Variants in TRAPPC14 observed in about 807,000 individuals in gnomAD.
TRAPPC14 encodes microtubule associated protein 11.
A neutral mutation model predicts 56.6 loss-of-function variants in TRAPPC14; 24 were observed. The ratio of observed to expected loss-of-function variants is 0.42; its 90% CI spans 0.31 to 0.60. The LOEUF is 0.60. Among genes scored for constraint, TRAPPC14 ranks in the 20% least tolerant of loss-of-function variants. The pLI is 0.14. For synonymous variants in TRAPPC14, 377 were observed against 347.0 expected, an observed-to-expected ratio of 1.09 and a Z score of -0.96; for missense variants, 615 against 790.3, an observed-to-expected ratio of 0.78 and a Z score of 2.66.
Position 100,157,647 on chromosome 7 carries a change from G to A in TRAPPC14, c.623C>T (p.Ala208Val), listed in dbSNP as rs760040718. Reference protein sequence around the residue: ...PGETFRGEQSAFKAQVSTLLT... With the variant: ...PGETFRGEQSVFKAQVSTLLT... ...GCCCTGCCCACCTTGGGCCTTGAAA[G>A]CGCTCTGCTCGCCCCGGAATGTCTC... The change falls in exon 3 of 11, where the codon GCT becomes GTT. Residue 208 changes from alanine (A) to valine (V), a missense_variant. Transcript: ENST00000316937. 1 of 1,614,182 alleles carries A rather than the reference G, an allele frequency of 6.2e-7. No individual in the cohort carries two copies. The highest frequency in any genetic ancestry group is 8.5e-7 in the Non-Finnish European group (1 of 1,180,036).
In TRAPPC14 at chr7:100,157,012, A is replaced by C. The variant is rs749222151; in HGVS notation, c.846-20T>G. 1.2e-6 allele frequency: 2 copies of C among 1,614,012 alleles called. No homozygotes were observed. Among genetic ancestry groups the C allele is most frequent in the Non-Finnish European group, 1.7e-6 (2 of 1,179,968 alleles). ...TGGTGACTAGCTCAGAAAAGAGGAC[A>C]AGGCATGGTCTCCCCATGCCAGAGC... On this transcript the variant is annotated intron_variant, in intron 5 of 10. Coordinates refer to ENST00000316937, the MANE Select transcript of TRAPPC14 (RefSeq NM_018275.5).
chr7:100,157,601 C>T (rs1241272020), intron 3 of TRAPPC14, 32 bp downstream of exon 3: 3 of 1,613,230 alleles, frequency 1.9e-6, no homozygotes. Flanking sequence ...TTCCCAGACT[C>T]TAGCCCTTTG....
intron 6 of TRAPPC14, 42 bp from the exon 7 acceptor site, chr7:100,156,758 GC>G (rs1798889552): frequency 6.2e-7 from 1 of 1,600,290 alleles, no homozygotes; most frequent in East Asian, 2.2e-5. Flanking sequence ...TATTAAGAGT[GC>G]CCCTCCCATC....
Position 100,158,615 on chromosome 7 carries a change from G to C in TRAPPC14, c.-116C>G, listed in dbSNP as rs909042693. ...TCCGGCTGCTGCGCCCGGCTGGGGC[G>C]GCCGGAGAGACCGGCCCGGTCCCGG... On this transcript the variant is annotated 5_prime_UTR_variant, in exon 1 of 11. Coordinates refer to ENST00000316937, the MANE Select transcript of TRAPPC14 (RefSeq NM_018275.5). 2 of 1,095,152 alleles carry C rather than the reference G, an allele frequency of 1.8e-6. No homozygotes were observed. The highest frequency in any genetic ancestry group is 3.3e-5 in the African/African-American group (2 of 61,250). 67.8% of individuals were successfully genotyped at this position (1,095,152 alleles called of 1,614,324 possible).
At position 100,158,356 on chromosome 7, in the gene TRAPPC14, C is replaced by T; in HGVS notation, c.144G>A (p.Leu48=). The part of the protein sequence containing the change: ...LYLGETVRFL[L]VLRCRGGAGS... The stretch of plus-strand genomic sequence containing the variant: ...CCGCACCGCCCCGGCAGCGCAACAC[C>T]AGCAGAAAACGGACAGTCTCCCCCA... The change falls in exon 1 of 11, where the codon CTG becomes CTA. Residue 48 remains leucine, a synonymous_variant. Transcript: ENST00000316937. 6.7e-7 allele frequency: 1 copy of T among 1,487,930 alleles called. No individual in the cohort carries two copies. 92.2% of individuals were successfully genotyped at this position (1,487,930 alleles called of 1,614,324 possible).
chr7:100,158,560 G>T lies in TRAPPC14; in HGVS notation c.-61C>A. On this transcript the variant is annotated 5_prime_UTR_variant, in exon 1 of 11. Transcript: ENST00000316937. ...CGGAGGCCGACCGCCGGCGGGGCCC[G>T]CTAGGGTGGGTCCAGAGGGTCCCGA... The T allele has an allele frequency of 7.7e-7, 1 of 1,306,298 alleles. No individual in the cohort carries two copies. Among genetic ancestry groups the T allele is most frequent in the Non-Finnish European group, 9.7e-7 (1 of 1,029,562 alleles). 80.9% of individuals were successfully genotyped at this position (1,306,298 alleles called of 1,614,324 possible). A position where few individuals can be genotyped will look rare whatever the true frequency, so the allele number is the denominator to read the frequency against.
Position 100,156,567 on chromosome 7 carries a change from G to A in TRAPPC14, c.1077-18C>T, listed in dbSNP as rs773936741. The A allele has an allele frequency of 6.2e-7, 1 of 1,613,678 alleles. No individual in the cohort carries two copies. The highest frequency in any genetic ancestry group is 8.5e-7 in the Non-Finnish European group (1 of 1,179,700). ...TGGGCAGGCTAGGAGTGGTGAGAGA[G>A]GGATGCTGGCTGTGTGTGTCAGGCC... is the stretch of plus-strand genomic sequence containing the variant. On this transcript the variant is annotated intron_variant, in intron 7 of 10. Transcript: ENST00000316937.
chr7:100,156,695 C>T lies in TRAPPC14; in HGVS notation c.1015G>A (p.Ala339Thr), dbSNP rs371249459. Residue 339 changes from alanine (A) to threonine (T), a missense_variant, in exon 7 of 11, where the codon GCT becomes ACT. Coordinates refer to ENST00000316937, the MANE Select transcript of TRAPPC14 (RefSeq NM_018275.5). ...AKEGLEVPLIAVVQWSTPKLP... is the reference protein window; with the variant it reads ...AKEGLEVPLITVVQWSTPKLP... Reference sequence around the variant, plus strand: ...TTTGGGGTAGACCACTGAACCACAGCAATCAGGGGAACTTCCAGGCCCTGC... The same window carrying T: ...TTTGGGGTAGACCACTGAACCACAGTAATCAGGGGAACTTCCAGGCCCTGC... 1 of 1,612,282 alleles carries T rather than the reference C, an allele frequency of 6.2e-7. No homozygotes were observed. Among genetic ancestry groups the T allele is most frequent in the Non-Finnish European group, 8.5e-7 (1 of 1,179,090 alleles).
chr7:100,157,180 G>T lies in TRAPPC14; in HGVS notation c.759C>A (p.Ile253=). The T allele has an allele frequency of 6.2e-7, 1 of 1,614,202 alleles. No homozygotes were observed. The highest frequency in any genetic ancestry group is 8.5e-7 in the Non-Finnish European group (1 of 1,180,044). Residue 253 remains isoleucine (I), a synonymous_variant, in exon 5 of 11, where the codon ATC becomes ATA. Coordinates refer to ENST00000316937, the MANE Select transcript of TRAPPC14 (RefSeq NM_018275.5). ...LNSSSQEEIS[I]WDIRILPNFN... ...AGTTGGGGAGGATTCGGATATCCCAGATGGAGATTTCCTCCTGAGAGGAGC... is the reference window on the plus strand; with the variant it reads ...AGTTGGGGAGGATTCGGATATCCCATATGGAGATTTCCTCCTGAGAGGAGC...
At chr7:100,156,326 G>A in intron 8 of TRAPPC14, 60 bp downstream of exon 8, 1 of 1,580,704 alleles carries the variant, frequency 6.3e-7, no homozygotes, top group East Asian at 2.2e-5. Context: ...CTGCCTCCCT[G>A]ACTTTTTCCT....
chr7:100,158,687 G>A lies in TRAPPC14; in HGVS notation c.-188C>T, dbSNP rs1318056114. 2.1e-6 allele frequency: 1 copy of A among 482,404 alleles called. No homozygotes were observed. The highest frequency in any genetic ancestry group is 4.4e-5 in the Admixed American group (1 of 22,584). 29.9% of individuals were successfully genotyped at this position (482,404 alleles called of 1,614,324 possible). A position where few individuals can be genotyped will look rare whatever the true frequency, so the allele number is the denominator to read the frequency against. ...CCGAGACCCGGCAGCGCCGGAACCG[G>A]GGTACTGAGCCGAATGACTGGAGAG... On this transcript the variant is annotated 5_prime_UTR_variant, in exon 1 of 11. Coordinates refer to ENST00000316937, the MANE Select transcript of TRAPPC14 (RefSeq NM_018275.5).
intron 7 of TRAPPC14, 34 bp from the exon 8 acceptor site, chr7:100,156,583 G>A (rs1171322244): frequency 1.2e-6 from 2 of 1,612,888 alleles, no homozygotes; most frequent in African/African-American, 1.3e-5. Context: ...CTGGCTGTGT[G>A]TGTCAGGCCA....
chr7:100,157,252 C>T, intron 4 of TRAPPC14, 38 bp from the exon 5 acceptor site: 1 of 1,613,896 alleles, frequency 6.2e-7, no homozygotes, highest in Middle Eastern at 1.7e-4. Context: ...AATAGCTGGA[C>T]CCCTCAGGCC....
At position 100,158,098 on chromosome 7, in the gene TRAPPC14, T is replaced by TC; in HGVS notation, c.401dup (p.Ala135SerfsTer15). On this transcript the variant is annotated frameshift_variant, in exon 1 of 11. Coordinates refer to ENST00000316937, the MANE Select transcript of TRAPPC14 (RefSeq NM_018275.5). LOFTEE classifies it high-confidence loss of function. ...CCCCAAAGCTCCTCACCGTGGTCGC[T>TC]CCCCCTGAGGTAGCAGGGCCCGGGC... 1 of 1,480,770 alleles carries TC rather than the reference T, an allele frequency of 6.8e-7. No homozygotes were observed. The highest frequency in any genetic ancestry group is 9.0e-7 in the Non-Finnish European group (1 of 1,116,182). 91.7% of individuals were successfully genotyped at this position (1,480,770 alleles called of 1,614,324 possible).
intron 1 of TRAPPC14, 48 bp downstream of exon 1, chr7:100,158,041 C>T: frequency 7.1e-7 from 1 of 1,405,162 alleles, no homozygotes; most frequent in Non-Finnish European, 9.5e-7. Context: ...CTCAGGCCCC[C>T]AGCAAACCGC....
chr7:100,156,301 G>A (rs1798879815), intron 8 of TRAPPC14, 85 bp downstream of exon 8: 2 of 1,446,310 alleles, frequency 1.4e-6, no homozygotes, highest in Admixed American at 1.9e-5. Flanking sequence ...ACCAAATTTG[G>A]CTGTTTTCAC....
rs764015839 is a variant in TRAPPC14 at position 100,158,571 on chromosome 7, T to TC, written c.-73dup. On this transcript the variant is annotated 5_prime_UTR_variant, in exon 1 of 11. Transcript: ENST00000316937. Reference sequence around the variant, plus strand: ...CGCCGGCGGGGCCCGCTAGGGTGGGTCCAGAGGGTCCCGACACCTCCGGCT... The same window carrying TC: ...CGCCGGCGGGGCCCGCTAGGGTGGGTCCCAGAGGGTCCCGACACCTCCGGCT... The TC allele has an allele frequency of 2.0e-5, 26 of 1,271,734 alleles. No individual in the cohort carries two copies. The highest frequency in any genetic ancestry group is 2.6e-5 in the Non-Finnish European group (26 of 1,006,972). The allele number at this position is 1,271,734 out of a possible 1,614,324, so 78.8% of individuals were successfully genotyped here. A position where few individuals can be genotyped will look rare whatever the true frequency, so the allele number is the denominator to read the frequency against.
At position 100,158,137 on chromosome 7, in the gene TRAPPC14, G is replaced by A. The variant is rs373792233; in HGVS notation, c.363C>T (p.Pro121=). The change falls in exon 1 of 11, where the codon CCC becomes CCT. Residue 121 remains proline (P), a synonymous_variant. Coordinates refer to ENST00000316937, the MANE Select transcript of TRAPPC14 (RefSeq NM_018275.5). ...CAGGGCCCGGGCCGTGGGTGAGAAGGGGGCTGCAGCCTCGGAACAAACCCC... is the reference window on the plus strand; with the variant it reads ...CAGGGCCCGGGCCGTGGGTGAGAAGAGGGCTGCAGCCTCGGAACAAACCCC... ...GGGGLFRGCS[P]LLTHGPGPAT... 3 of 1,493,796 alleles carry A rather than the reference G, an allele frequency of 2.0e-6. No individual in the cohort carries two copies. Among genetic ancestry groups the A allele is most frequent in the Non-Finnish European group, 2.7e-6 (3 of 1,127,612 alleles). 92.5% of individuals were successfully genotyped at this position (1,493,796 alleles called of 1,614,324 possible).
In TRAPPC14 at chr7:100,158,603, C is replaced by A; in HGVS notation, c.-104G>T. 1.7e-6 allele frequency: 2 copies of A among 1,167,516 alleles called. No individual in the cohort carries two copies. The highest frequency in any genetic ancestry group is 1.1e-6 in the Non-Finnish European group (1 of 923,896). 72.3% of individuals were successfully genotyped at this position (1,167,516 alleles called of 1,614,324 possible). A position where few individuals can be genotyped will look rare whatever the true frequency, so the allele number is the denominator to read the frequency against. ...GGTCCCGACACCTCCGGCTGCTGCG[C>A]CCGGCTGGGGCGGCCGGAGAGACCG... On this transcript the variant is annotated 5_prime_UTR_variant, in exon 1 of 11. Coordinates refer to ENST00000316937, the MANE Select transcript of TRAPPC14 (RefSeq NM_018275.5).
Sources: gnomAD v4.1 joint callset for allele counts on GRCh38, gnomAD v4.1.1 for gene constraint, MANE v1.5 for transcripts, NCBI Gene and HGNC (gene_info 2026-07-23, HGNC 2026-07-21) for gene names.